ZNF804B: variants seen among roughly 807,000 people sequenced by gnomAD.
ZNF804B encodes the protein zinc finger 804B.
Under a neutral mutation model 101.4 loss-of-function variants are expected in ZNF804B, and 80 were observed. The ratio of observed to expected loss-of-function variants is 0.79; its 90% CI spans 0.66 to 0.95. The LOEUF is 0.95. Ranked by LOEUF, ZNF804B falls within the 40% of genes least tolerant of loss-of-function variation. The probability of loss-of-function intolerance (pLI) is 0.00; values close to 1 mark genes in which losing one functional copy is unlikely to be tolerated. For missense variants in ZNF804B, 1,673 were observed against 1,561.9 expected (o/e 1.07, Z -1.20); for synonymous variants, 622 against 558.8 (o/e 1.11, Z -1.59).
chr7:89,132,169 TAC>T (rs59188340), intron 1 of ZNF804B, among the ~76,000 whole-genome samples: 9,894 of 131,240 alleles, frequency 0.075, 387 homozygotes, highest in Non-Finnish European at 0.094. Context: ...CACGCACACA[TAC>T]ACACACACAC....
At chr7:88,841,667 C>G (rs1330677897) in intron 1 of ZNF804B, among the ~76,000 whole-genome samples, 1 of 152,076 alleles carries the variant, frequency 6.6e-6, no homozygotes, top group Non-Finnish European at 1.5e-5. Context: ...GAAAATTATT[C>G]AACCTGAGGG....
At chr7:88,857,253 A>T (rs982058884) in intron 1 of ZNF804B, among the ~76,000 whole-genome samples, 2 of 152,154 alleles carry the variant, frequency 1.3e-5, no homozygotes, top group Admixed American at 1.3e-4. Context: ...GCAAGAAATA[A>T]CTAAGATCAG....
intron 1 of ZNF804B, among the ~76,000 whole-genome samples, chr7:88,852,219 A>T (rs1791458634): frequency 6.6e-6 from 1 of 152,140 alleles, no homozygotes; most frequent in African/African-American, 2.4e-5. Context: ...GTATTATCAG[A>T]GGACCAGTCT....
intron 1 of ZNF804B, among the ~76,000 whole-genome samples, chr7:89,008,110 T>G (rs1381028934): frequency 6.6e-6 from 1 of 152,148 alleles, no homozygotes; most frequent in Non-Finnish European, 1.5e-5. Flanking sequence ...AATCCCCAGA[T>G]AGTCTATCAG....
intron 1 of ZNF804B, among the ~76,000 whole-genome samples, chr7:88,965,374 G>T (rs972525428): frequency 1.3e-5 from 2 of 151,358 alleles, no homozygotes; most frequent in African/African-American, 4.8e-5. Context: ...AAATAGCCCT[G>T]CATGAATCTT....
intron 1 of ZNF804B, among the ~76,000 whole-genome samples, chr7:89,153,316 G>T (rs1412416288): frequency 6.6e-6 from 1 of 151,656 alleles, no homozygotes; most frequent in Non-Finnish European, 1.5e-5. Flanking sequence ...TTCTGAGTTG[G>T]CTCTCAGATC....
At chr7:88,782,221 G>A (rs1790240194) in intron 1 of ZNF804B, among the ~76,000 whole-genome samples, 1 of 151,812 alleles carries the variant, frequency 6.6e-6, no homozygotes, top group Non-Finnish European at 1.5e-5. Flanking sequence ...ATCTCACTCA[G>A]GGAACTATGG....
At chr7:89,211,934 C>T (rs531689601) in intron 1 of ZNF804B, among the ~76,000 whole-genome samples, 1 of 152,202 alleles carries the variant, frequency 6.6e-6, no homozygotes, top group South Asian at 2.1e-4. Context: ...TTACTTTGAG[C>T]AGTATGGCCA....
At chr7:89,099,348 A>G (rs962210874) in intron 1 of ZNF804B, among the ~76,000 whole-genome samples, 4 of 152,168 alleles carry the variant, frequency 2.6e-5, no homozygotes, top group Non-Finnish European at 5.9e-5. Context: ...AAAATAATGT[A>G]AAGCAAAAAT....
At chr7:89,279,279 C>A (rs1307274307) in intron 2 of ZNF804B, among the ~76,000 whole-genome samples, 2 of 151,986 alleles carry the variant, frequency 1.3e-5, no homozygotes, top group East Asian at 1.9e-4. Context: ...TCTAGATATA[C>A]AATCATGTTG....
intron 1 of ZNF804B, among the ~76,000 whole-genome samples, chr7:89,205,943 C>CA (rs1411436083): frequency 6.6e-6 from 1 of 152,350 alleles, no homozygotes; most frequent in East Asian, 1.9e-4. Context: ...CCTGGACATA[C>CA]AGGCATTTCC....
intron 1 of ZNF804B, among the ~76,000 whole-genome samples, chr7:89,047,540 A>T (rs901976693): frequency 6.6e-6 from 1 of 152,186 alleles, no homozygotes; most frequent in Non-Finnish European, 1.5e-5. Context: ...CAGAAGTCAG[A>T]AACAGATACT....
intron 2 of ZNF804B, among the ~76,000 whole-genome samples, chr7:89,288,071 A>G (rs889557815): frequency 1.3e-5 from 2 of 152,156 alleles, no homozygotes; most frequent in Admixed American, 6.5e-5. Flanking sequence ...TAGATATTAC[A>G]GTTAACAGAT....
At chr7:89,169,146 G>A (rs939738102) in intron 1 of ZNF804B, among the ~76,000 whole-genome samples, 6 of 152,226 alleles carry the variant, frequency 3.9e-5, no homozygotes, top group South Asian at 2.1e-4. Flanking sequence ...TGCCCCATCC[G>A]GAGGAGTGAA....
intron 2 of ZNF804B, among the ~76,000 whole-genome samples, chr7:89,268,388 C>G (rs999672847): frequency 6.6e-6 from 1 of 152,074 alleles, no homozygotes; most frequent in Non-Finnish European, 1.5e-5. Flanking sequence ...TGTGTACATT[C>G]AGCATCCCAA....
chr7:89,319,579 G>A (rs891662686), intron 2 of ZNF804B, among the ~76,000 whole-genome samples: 5 of 152,130 alleles, frequency 3.3e-5, no homozygotes, highest in Non-Finnish European at 5.9e-5. Context: ...CTGTTTACGC[G>A]TGAAAACATA....
intron 1 of ZNF804B, among the ~76,000 whole-genome samples, chr7:89,177,401 A>G (rs73395264): frequency 1.9e-4 from 29 of 152,254 alleles, no homozygotes; most frequent in African/African-American, 6.7e-4. Context: ...ATATTGTTCA[A>G]TTACCATGCG....
chr7:88,861,353 C>T (rs1052613503), intron 1 of ZNF804B, among the ~76,000 whole-genome samples: 1 of 152,120 alleles, frequency 6.6e-6, no homozygotes, highest in African/African-American at 2.4e-5. Context: ...TGAAACTAGC[C>T]AGCAACACAC....
chr7:89,006,960 C>G (rs1584067605), intron 1 of ZNF804B, among the ~76,000 whole-genome samples: 1 of 152,224 alleles, frequency 6.6e-6, no homozygotes, highest in Non-Finnish European at 1.5e-5. Flanking sequence ...GTGGCTTGAC[C>G]AGCAGATGAA....
Sources: allele counts gnomAD v4.1 joint callset (sites outside exome capture counted in the v4.1 genomes callset), GRCh38; gene constraint gnomAD v4.1.1; transcripts MANE v1.5; gene names NCBI Gene and HGNC (gene_info 2026-07-23, HGNC 2026-07-21).